Variants in NPC1L1 observed in about 807,000 individuals in gnomAD.
NPC1L1 encodes the protein NPC1 like intracellular cholesterol transporter 1.
NPC1L1 carries 98 observed loss-of-function variants against 117.0 expected under a neutral mutation model. The ratio of observed to expected loss-of-function variants is 0.84; its 90% CI spans 0.71 to 0.99. NPC1L1 has a LOEUF of 0.99. Ranked by LOEUF, NPC1L1 falls within the 50% of genes least tolerant of loss-of-function variation. The probability of loss-of-function intolerance (pLI) is 0.00; values close to 1 mark genes in which losing one functional copy is unlikely to be tolerated. For synonymous variants in NPC1L1, 729 were observed against 727.6 expected (o/e 1.00, Z -0.03); for missense variants, 1,540 against 1,710.0 (o/e 0.90, Z 1.75).
At position 44,539,178 on chromosome 7, in the gene NPC1L1, T is replaced by C; in HGVS notation, c.1219A>G (p.Thr407Ala). 6.2e-7 allele frequency: 1 copy of C among 1,613,924 alleles called. No individual in the cohort carries two copies. ...GGAGCCGTCAGGATCACCTGGTTGG[T>C]TCGGAAGAAGGGGCCGAAATGCTGG... ...HDQHFGPFFRTNQVILTAPNR... is the reference protein window; with the variant it reads ...HDQHFGPFFRANQVILTAPNR... Residue 407 changes from threonine to alanine, a missense_variant, in exon 2 of 19, where the codon ACC becomes GCC. Physicochemically the swap from Thr to Ala is moderately conservative, Grantham distance 58. This residue lies in a region of NPC1L1 where 793 missense variants were observed against 820.4 expected (regional missense o/e 0.97). Coordinates refer to ENST00000381160, the MANE Select transcript of NPC1L1 (RefSeq NM_001101648.2). This position sits in a 1 kb window ranked among gnomAD's most constrained non-coding sequence, Gnocchi z 4.4.
intron 8 of NPC1L1, among the ~76,000 whole-genome samples, chr7:44,532,433 C>T (rs1369084521): frequency 6.6e-6 from 1 of 152,156 alleles, no homozygotes; most frequent in Non-Finnish European, 1.5e-5. Flanking sequence ...CAACTCCTGT[C>T]GACCTCTCAT....
intron 8 of NPC1L1, 56 bp from the exon 9 acceptor site, chr7:44,532,273 C>A (rs1801730627): frequency 1.2e-6 from 2 of 1,609,334 alleles, no homozygotes; most frequent in African/African-American, 2.7e-5. Flanking sequence ...GCCCCAGGGA[C>A]CACCTTCTTG....
rs1353798377 is a variant in NPC1L1 at position 44,541,105 on chromosome 7, C to A, written c.54+101G>T. 9.2e-6 allele frequency: 12 copies of A among 1,309,034 alleles called. No homozygotes were observed. In the East Asian group the frequency reaches 2.8e-4, roughly 30 times the overall value. The allele number at this position is 1,309,034 out of a possible 1,614,324, so 81.1% of individuals were successfully genotyped here. ...CTTGCCCAGCCCGCAGGCCCTGAGG[C>A]TCCCTTGCTGTCACCCAGTAACGCT... On this transcript the variant is annotated intron_variant, in intron 1 of 18. Transcript: ENST00000381160.
intron 5 of NPC1L1, 61 bp downstream of exon 5, chr7:44,535,779 C>G: frequency 2.5e-6 from 4 of 1,609,700 alleles, no homozygotes; most frequent in South Asian, 1.1e-5. Context: ...TGTAGAAGGC[C>G]TACTGAAGAT....
rs753877399 is a variant in NPC1L1, at chr7:44,516,210, A to AG, written c.3520-14dup. The AG allele has an allele frequency of 6.7e-5, 106 of 1,585,332 alleles. No homozygotes were observed. Among genetic ancestry groups the AG allele is most frequent in the Non-Finnish European group, 8.8e-5 (103 of 1,164,288 alleles). Reference sequence around the variant, plus strand: ...ACATGCCCACCGCCTATGGGCAGAGAGGGGGCATAAGCCAAGAAAGGCAGA... The same window carrying AG: ...ACATGCCCACCGCCTATGGGCAGAGAGGGGGGCATAAGCCAAGAAAGGCAGA... On this transcript the variant is annotated splice_polypyrimidine_tract_variant and intron_variant, in intron 16 of 18. Coordinates refer to ENST00000381160, the MANE Select transcript of NPC1L1 (RefSeq NM_001101648.2).
Position 44,534,750 on chromosome 7 carries a change from C to A in NPC1L1, c.1984-121G>T. 1.0e-6 allele frequency: 1 copy of A among 966,680 alleles called. No individual in the cohort carries two copies. The allele number at this position is 966,680 out of a possible 1,614,324, so 59.9% of individuals were successfully genotyped here. A position where few individuals can be genotyped will look rare whatever the true frequency, so the allele number is the denominator to read the frequency against. The stretch of plus-strand genomic sequence containing the variant: ...CCTCAGTGCCTGCAGGTGCCCGATA[C>A]TGCCCCCAGTGGTGAGGAGCTCACA... On this transcript the variant is annotated intron_variant, in intron 5 of 18. Coordinates refer to ENST00000381160, the MANE Select transcript of NPC1L1 (RefSeq NM_001101648.2). This position sits in a 1 kb window ranked among gnomAD's most constrained non-coding sequence, Gnocchi z 5.2.
At chr7:44,533,635 G>C in intron 7 of NPC1L1, 77 bp from the exon 8 acceptor site, 1 of 1,610,870 alleles carries the variant, frequency 6.2e-7, no homozygotes, top group Non-Finnish European at 8.5e-7. Flanking sequence ...AGGGTGCAGG[G>C]GGAAGGGAAT....
At chr7:44,519,808 C>CTT (rs367934615) in intron 14 of NPC1L1, among the ~76,000 whole-genome samples, 7,045 of 149,146 alleles carry the variant, frequency 0.047, 268 homozygotes, top group African/African-American at 0.096. Flanking sequence ...TTACTTTTTT[C>CTT]TTTCTTTTTT....
At chr7:44,527,981 T>C (rs1262350626) in intron 10 of NPC1L1, among the ~76,000 whole-genome samples, 1 of 152,156 alleles carries the variant, frequency 6.6e-6, no homozygotes, top group Non-Finnish European at 1.5e-5. Context: ...TGTGCCACCA[T>C]GCCTGGCTAA....
At position 44,522,204 on chromosome 7, in the gene NPC1L1, G is replaced by T. The variant is rs1801382257; in HGVS notation, c.2676C>A (p.Arg892=). Residue 892 remains arginine, a synonymous_variant, in exon 11 of 19, where the codon CGC becomes CGA. Coordinates refer to ENST00000381160, the MANE Select transcript of NPC1L1 (RefSeq NM_001101648.2). ...YLLDYFLFLN[R]YFEVGAPVYF... Reference sequence around the variant, plus strand: ...ACACCGGGGCCCCCACCTCGAAGTAGCGGTTCAGAAAGAGGAAATAGTCAA... The same window carrying T: ...ACACCGGGGCCCCCACCTCGAAGTATCGGTTCAGAAAGAGGAAATAGTCAA... The T allele has an allele frequency of 1.9e-6, 3 of 1,613,810 alleles. No individual in the cohort carries two copies. Among genetic ancestry groups the T allele is most frequent in the Non-Finnish European group, 2.5e-6 (3 of 1,179,928 alleles).
intron 10 of NPC1L1, among the ~76,000 whole-genome samples, chr7:44,528,244 A>G (rs188942099): frequency 1.3e-5 from 2 of 152,336 alleles, no homozygotes; most frequent in Admixed American, 6.5e-5. Context: ...AGCTGGGACT[A>G]CAGGCACGTG....
intron 10 of NPC1L1, among the ~76,000 whole-genome samples, chr7:44,527,636 C>T (rs1801563020): frequency 1.3e-5 from 2 of 152,102 alleles, no homozygotes; most frequent in South Asian, 2.1e-4. Flanking sequence ...GCTATGATCA[C>T]ACCACTGCAT....
chr7:44,532,036 C>A, intron 9 of NPC1L1, 44 bp downstream of exon 9: 1 of 1,613,998 alleles, frequency 6.2e-7, no homozygotes, highest in Non-Finnish European at 8.5e-7. Context: ...AGGCGAGGTC[C>A]CCACCTAGTG....
At chr7:44,532,530 A>G (rs1030373504) in intron 8 of NPC1L1, among the ~76,000 whole-genome samples, 1 of 152,140 alleles carries the variant, frequency 6.6e-6, no homozygotes, top group Admixed American at 6.5e-5. Flanking sequence ...CCGCCCCTGA[A>G]ACAGCAAGAT....
chr7:44,536,168 G>A lies in NPC1L1; in HGVS notation c.1854+88C>T. The stretch of plus-strand genomic sequence containing the variant: ...GCAGCCACTGCCCAGGGTCACTTAG[G>A]AAGGGCCAGGGCCAGGATGGGGACA... On this transcript the variant is annotated intron_variant, in intron 4 of 18. Transcript: ENST00000381160. This position sits in a 1 kb window ranked among gnomAD's most constrained non-coding sequence, Gnocchi z 4.7. The A allele has an allele frequency of 2.5e-6, 4 of 1,589,792 alleles. No individual in the cohort carries two copies. The highest frequency in any genetic ancestry group is 3.4e-6 in the Non-Finnish European group (4 of 1,160,308).
chr7:44,530,449 T>C (rs1801662581), intron 10 of NPC1L1, among the ~76,000 whole-genome samples: 1 of 152,156 alleles, frequency 6.6e-6, no homozygotes. Flanking sequence ...GAAAGAGTTT[T>C]GGAGATGGAT....
intron 8 of NPC1L1, among the ~76,000 whole-genome samples, chr7:44,533,058 A>G (rs902000333): frequency 2.0e-5 from 3 of 152,062 alleles, no homozygotes; most frequent in Non-Finnish European, 2.9e-5. Flanking sequence ...GTGAGCTGAT[A>G]TCACGCCATT....
At chr7:44,514,194 T>C (rs1260386583) in intron 18 of NPC1L1, among the ~76,000 whole-genome samples, 2 of 152,154 alleles carry the variant, frequency 1.3e-5, no homozygotes, top group African/African-American at 2.4e-5. Context: ...CCTCTATAAA[T>C]GTCCTCTAAT....
At chr7:44,532,238 TCAAGGTAGTC>T in intron 8 of NPC1L1, 21 bp from the exon 9 acceptor site, 1 of 1,612,732 alleles carries the variant, frequency 6.2e-7, no homozygotes. Context: ...AGGCACCCCC[TCAAGGTAGTC>T]CCAGAGCAGA....
Sources: allele counts gnomAD v4.1 joint callset (sites outside exome capture counted in the v4.1 genomes callset), GRCh38; gene constraint gnomAD v4.1.1; regional missense constraint gnomAD v4.1.1; non-coding constraint Gnocchi (gnomAD v3.1); transcripts MANE v1.5; gene names NCBI Gene and HGNC (gene_info 2026-07-23, HGNC 2026-07-21).